The following EDIL3 variants were observed in gnomAD, a reference collection of about 807,000 sequenced individuals.
EDIL3 encodes EGF like and discoidin domains 3.
A neutral mutation model predicts 67.4 loss-of-function variants in EDIL3; 37 were observed. The ratio of observed to expected loss-of-function variants is 0.55; its 90% confidence interval spans 0.42 to 0.72. The LOEUF is 0.72. EDIL3 is among the 30% of genes least tolerant of loss of function. EDIL3 has a pLI of 0.00. For synonymous variants in EDIL3, 195 were observed against 196.3 expected, an observed-to-expected ratio of 0.99 and a Z score of 0.05; for missense variants, 527 against 586.3, an observed-to-expected ratio of 0.90 and a Z score of 1.04.
intron 6 of EDIL3, among the ~76,000 whole-genome samples, chr5:84,070,606 A>AGTGTGTGTGTGTGT (rs35930293): frequency 3.9e-4 from 57 of 144,734 alleles, no homozygotes; most frequent in African/African-American, 1.3e-3. Context: ...TATGGTTAAG[A>AGTGTGTGTGTGTGT]GTGTGTGTGT....
chr5:84,364,521 C>G (rs1368772623), intron 1 of EDIL3, among the ~76,000 whole-genome samples: 1 of 152,060 alleles, frequency 6.6e-6, no homozygotes, highest in Non-Finnish European at 1.5e-5. Flanking sequence ...ATGTTATACC[C>G]ATTAAATATG....
chr5:84,064,791 G>T lies in EDIL3; in HGVS notation c.861C>A (p.Pro287=). The T allele has an allele frequency of 6.2e-7, 1 of 1,613,772 alleles. No individual in the cohort carries two copies. The highest frequency in any genetic ancestry group is 1.1e-5 in the South Asian group (1 of 91,034). The change falls in exon 8 of 11, where the codon CCC becomes CCA. Residue 287 remains proline (P), a synonymous_variant. Transcript: ENST00000296591. ...NNTPYANSFT[P]PIKAQYVRLY... The stretch of plus-strand genomic sequence containing the variant: ...GTCTTACATACTGAGCTTTTATGGG[G>T]GGTGTGAAAGAGTTAGCATATGGAG...
chr5:84,155,119 T>G (rs914763606), intron 4 of EDIL3, among the ~76,000 whole-genome samples: 10 of 152,156 alleles, frequency 6.6e-5, no homozygotes, highest in African/African-American at 2.4e-4. Flanking sequence ...TAGGTTTCTA[T>G]TTTTTGTGTC....
intron 9 of EDIL3, among the ~76,000 whole-genome samples, chr5:84,005,943 C>G (rs2112174565): frequency 6.6e-6 from 1 of 152,074 alleles, no homozygotes; most frequent in East Asian, 1.9e-4. Context: ...TGCTTACTAG[C>G]TCCTAGATGT....
intron 9 of EDIL3, among the ~76,000 whole-genome samples, chr5:83,964,358 G>A (rs1019030188): frequency 2.0e-5 from 3 of 151,720 alleles, no homozygotes; most frequent in Admixed American, 6.6e-5. Flanking sequence ...TCCTGCAATA[G>A]CCACTTACTT....
At chr5:84,375,076 A>G (rs1747940494) in intron 1 of EDIL3, among the ~76,000 whole-genome samples, 1 of 151,766 alleles carries the variant, frequency 6.6e-6, no homozygotes. Flanking sequence ...GGTTCAAGCA[A>G]TTCTGCTGCC....
intron 9 of EDIL3, among the ~76,000 whole-genome samples, chr5:84,018,444 T>C (rs888998033): frequency 6.6e-6 from 1 of 152,134 alleles, no homozygotes; most frequent in East Asian, 1.9e-4. Context: ...TTTCTTCAGT[T>C]TAACACACTG....
At chr5:84,266,018 C>T (rs1157224879) in intron 1 of EDIL3, among the ~76,000 whole-genome samples, 1 of 152,098 alleles carries the variant, frequency 6.6e-6, no homozygotes, top group African/African-American at 2.4e-5. Context: ...GTTACAGTTG[C>T]CTTAATGGAA....
At chr5:84,235,273 C>G (rs1182065463) in intron 2 of EDIL3, among the ~76,000 whole-genome samples, 2 of 152,122 alleles carry the variant, frequency 1.3e-5, no homozygotes, top group Non-Finnish European at 2.9e-5. Flanking sequence ...ATATTTCAGA[C>G]AGCATATGAT....
chr5:84,117,183 A>G (rs1299908668), intron 5 of EDIL3, among the ~76,000 whole-genome samples: 1 of 150,860 alleles, frequency 6.6e-6, no homozygotes, highest in Admixed American at 6.6e-5. Context: ...GCCCACCATC[A>G]CGCCCGGCTA....
chr5:84,355,721 G>C (rs551644754), intron 1 of EDIL3, among the ~76,000 whole-genome samples: 4 of 152,078 alleles, frequency 2.6e-5, no homozygotes, highest in African/African-American at 9.7e-5. Context: ...GGTGTCTGTC[G>C]ACCCCTGCCA....
At chr5:84,206,947 T>C (rs1743993753) in intron 3 of EDIL3, among the ~76,000 whole-genome samples, 1 of 152,186 alleles carries the variant, frequency 6.6e-6, no homozygotes, top group African/African-American at 2.4e-5. Flanking sequence ...TCATACTGAA[T>C]GGGCAAAAAC....
chr5:84,281,790 T>C (rs1386407302), intron 1 of EDIL3, among the ~76,000 whole-genome samples: 1 of 151,772 alleles, frequency 6.6e-6, no homozygotes, highest in Non-Finnish European at 1.5e-5. Flanking sequence ...TGAAGAATAG[T>C]ATAATGAACA....
chr5:84,115,505 T>G (rs1402767215), intron 5 of EDIL3, among the ~76,000 whole-genome samples: 2 of 152,194 alleles, frequency 1.3e-5, no homozygotes, highest in African/African-American at 4.8e-5. Context: ...TAGTAGAGCC[T>G]ATGAACTCCA....
At chr5:84,093,294 T>C (rs1297599077) in intron 6 of EDIL3, among the ~76,000 whole-genome samples, 5 of 152,146 alleles carry the variant, frequency 3.3e-5, no homozygotes, top group Non-Finnish European at 7.4e-5. Context: ...AAACTAACTC[T>C]GATTCCTACT....
At chr5:84,155,024 G>A (rs1748466349) in intron 4 of EDIL3, among the ~76,000 whole-genome samples, 1 of 152,060 alleles carries the variant, frequency 6.6e-6, no homozygotes, top group Non-Finnish European at 1.5e-5. Flanking sequence ...AAGTTTAGCT[G>A]ATTCCTTTCT....
At chr5:84,183,452 GA>G (rs2112360349) in intron 3 of EDIL3, among the ~76,000 whole-genome samples, 1 of 151,520 alleles carries the variant, frequency 6.6e-6, no homozygotes, top group East Asian at 1.9e-4. Context: ...AACCGCTAAA[GA>G]AAAAAATATA....
chr5:84,200,197 A>G (rs1261341683), intron 3 of EDIL3, among the ~76,000 whole-genome samples: 2 of 152,128 alleles, frequency 1.3e-5, no homozygotes, highest in African/African-American at 2.4e-5. Flanking sequence ...ATTAACACCA[A>G]CATGGCACAT....
intron 6 of EDIL3, among the ~76,000 whole-genome samples, chr5:84,070,545 A>G (rs1746720347): frequency 6.6e-6 from 1 of 151,610 alleles, no homozygotes; most frequent in Admixed American, 6.6e-5. Flanking sequence ...TATAAAGATA[A>G]TTTTGCAAAC....
Sources: gnomAD v4.1 joint callset for allele counts (sites outside exome capture counted in the v4.1 genomes callset) on GRCh38, gnomAD v4.1.1 for gene constraint, MANE v1.5 for transcripts, NCBI Gene and HGNC (gene_info 2026-07-23, HGNC 2026-07-21) for gene names.